PDE5A: variants seen among roughly 807,000 people sequenced by gnomAD.
PDE5A encodes phosphodiesterase 5A.
PDE5A carries 67 observed loss-of-function variants against 110.2 expected under a neutral mutation model. The observed-to-expected ratio is 0.61, with a 90% CI of 0.50 to 0.75. The LOEUF (loss-of-function observed/expected upper bound fraction) is 0.75. Ranked by LOEUF, PDE5A falls within the 30% of genes least tolerant of loss-of-function variation. The pLI is 0.00. For synonymous variants in PDE5A, 328 were observed against 351.2 expected (o/e 0.93, Z 0.74); for missense variants, 862 against 1,045.1 (o/e 0.82, Z 2.42).
chr4:119,627,172 A>G lies in PDE5A; in HGVS notation c.152+1348T>C. 1.2e-6 allele frequency: 2 copies of G among 1,613,120 alleles called. No individual in the cohort carries two copies. The highest frequency in any genetic ancestry group is 1.1e-5 in the South Asian group (1 of 90,944). Reference sequence around the variant, plus strand: ...TACCTTGTTTTGTCTCCAAAGGGCAACATAGCAAACGTGGGAAGTTCGTTT... The same window carrying G: ...TACCTTGTTTTGTCTCCAAAGGGCAGCATAGCAAACGTGGGAAGTTCGTTT... On this transcript the variant is annotated intron_variant, in intron 1 of 20. Coordinates refer to ENST00000354960, the MANE Select transcript of PDE5A (RefSeq NM_001083.4). The surrounding 1 kb of genome is among the most constrained non-coding windows in gnomAD (Gnocchi z 4.6).
chr4:119,509,555 T>C (rs1274655857), intron 15 of PDE5A, among the ~76,000 whole-genome samples: 1 of 151,982 alleles, frequency 6.6e-6, no homozygotes, highest in African/African-American at 2.4e-5. Context: ...CCTTTATTGC[T>C]GAAGGTCAGA....
At chr4:119,609,116 C>G (rs62319650) in intron 1 of PDE5A, among the ~76,000 whole-genome samples, 1 of 151,560 alleles carries the variant, frequency 6.6e-6, no homozygotes, top group African/African-American at 2.4e-5. Flanking sequence ...GAGCTGAGAT[C>G]GCGCCATTGC....
intron 12 of PDE5A, among the ~76,000 whole-genome samples, chr4:119,523,328 A>G (rs1726197252): frequency 6.6e-6 from 1 of 151,948 alleles, no homozygotes; most frequent in Non-Finnish European, 1.5e-5. Flanking sequence ...TCATTATAGG[A>G]GAATAACTAA....
intron 7 of PDE5A, among the ~76,000 whole-genome samples, chr4:119,556,815 TG>T (rs1727557222): frequency 1.3e-5 from 2 of 152,288 alleles, no homozygotes; most frequent in South Asian, 4.1e-4. Context: ...ATTGCTGACA[TG>T]GAAGAGTTCT....
intron 3 of PDE5A, among the ~76,000 whole-genome samples, chr4:119,569,115 GC>G (rs2110511039): frequency 6.6e-6 from 1 of 151,426 alleles, no homozygotes; most frequent in East Asian, 2.0e-4. Flanking sequence ...CTCACTGCAG[GC>G]TTGATCTTCG....
chr4:119,528,998 G>A (rs1726428606), intron 11 of PDE5A, among the ~76,000 whole-genome samples: 1 of 152,110 alleles, frequency 6.6e-6, no homozygotes, highest in South Asian at 2.1e-4. Flanking sequence ...GGCTTAAATG[G>A]AGGACACTAG....
At chr4:119,501,138 T>C (rs1243803896) in intron 20 of PDE5A, 32 bp downstream of exon 20, 1 of 1,339,326 alleles carries the variant, frequency 7.5e-7, no homozygotes, top group Non-Finnish European at 1.1e-6. Flanking sequence ...ACAGTCCAAG[T>C]TTAGCAAGTC....
rs1424693056 is a variant in PDE5A at position 119,511,027 on chromosome 4, A to G, written c.2088+20T>C. ...TAAAGCTCTCTTTTAAAATTCCACA[A>G]CAATAAATTAGGTACTTACTGGACT... is the stretch of plus-strand genomic sequence containing the variant. On this transcript the variant is annotated intron_variant, in intron 15 of 20. Coordinates refer to ENST00000354960, the MANE Select transcript of PDE5A (RefSeq NM_001083.4). 2.2e-6 allele frequency: 3 copies of G among 1,341,324 alleles called. No individual in the cohort carries two copies. The highest frequency in any genetic ancestry group is 3.1e-6 in the Non-Finnish European group (3 of 959,012). 83.1% of individuals were successfully genotyped at this position (1,341,324 alleles called of 1,614,324 possible).
chr4:119,615,981 T>C (rs1729928763), intron 1 of PDE5A, among the ~76,000 whole-genome samples: 1 of 152,216 alleles, frequency 6.6e-6, no homozygotes, highest in Non-Finnish European at 1.5e-5. Flanking sequence ...ATCACATCCA[T>C]ATCTTCCTCT....
chr4:119,592,876 G>A (rs1368326473), intron 3 of PDE5A, among the ~76,000 whole-genome samples: 2 of 152,126 alleles, frequency 1.3e-5, no homozygotes, highest in African/African-American at 4.8e-5. Flanking sequence ...AGCACAGAGA[G>A]AGACATGAGA....
intron 9 of PDE5A, chr4:119,543,138 A>C (rs535283289): frequency 6.7e-6 from 1 of 150,296 alleles, no homozygotes; most frequent in Non-Finnish European, 1.5e-5. Flanking sequence ...GCAGTCTCAA[A>C]TTTCAAATCT....
At position 119,561,990 on chromosome 4, in the gene PDE5A, T is replaced by C. The variant is rs377009872; in HGVS notation, c.1131+843A>G. ...TCATATGTAGATTATAATTGACCTA[T>C]ACAAGTGATAGTGCACGCTCTCTTT... On this transcript the variant is annotated intron_variant, in intron 6 of 20. Coordinates refer to ENST00000354960, the MANE Select transcript of PDE5A (RefSeq NM_001083.4). 1.7e-4 allele frequency among the ~76,000 whole-genome samples: 26 copies of C among 152,312 alleles called. 1 individual carries two copies. In the South Asian group the frequency reaches 4.4e-3, roughly 25 times the overall value.
intron 7 of PDE5A, among the ~76,000 whole-genome samples, chr4:119,554,032 A>T (rs1050999686): frequency 3.3e-5 from 5 of 152,148 alleles, no homozygotes; most frequent in African/African-American, 1.2e-4. Context: ...GTGTCATTTA[A>T]TGTAAACTCA....
rs572563724 is a variant in PDE5A at position 119,509,160 on chromosome 4, T to C, written c.2089-1456A>G. 9.9e-5 allele frequency among the ~76,000 whole-genome samples: 15 copies of C among 152,066 alleles called. No homozygotes were observed. The South Asian group carries it at 3.1e-3, about 32-fold the overall frequency. On this transcript the variant is annotated intron_variant, in intron 15 of 20. Transcript: ENST00000354960. ...TACACTAAAAATAACATGGATTTTG[T>C]GAAAAAATGGTATTGGGAAAGACCA...
intron 3 of PDE5A, among the ~76,000 whole-genome samples, chr4:119,582,827 C>G (rs1296898340): frequency 2.6e-5 from 4 of 152,174 alleles, no homozygotes; most frequent in African/African-American, 7.2e-5. Context: ...TCCCTGAGCA[C>G]TAGGTCTCAA....
chr4:119,579,695 TG>T (rs1560625225), intron 3 of PDE5A, among the ~76,000 whole-genome samples: 1 of 115,278 alleles, frequency 8.7e-6, no homozygotes, highest in Non-Finnish European at 1.8e-5. Context: ...TGTTGTGGGG[TG>T]GGGGGAGTGG....
At chr4:119,592,169 A>G (rs1242775416) in intron 3 of PDE5A, among the ~76,000 whole-genome samples, 2 of 119,416 alleles carry the variant, frequency 1.7e-5, no homozygotes, top group African/African-American at 6.5e-5. Flanking sequence ...AAAAAAAAAA[A>G]AAAAAGCCGG....
intron 20 of PDE5A, 41 bp from the exon 21 acceptor site, chr4:119,498,779 G>C: frequency 6.2e-7 from 1 of 1,610,742 alleles, no homozygotes; most frequent in African/African-American, 1.3e-5. Flanking sequence ...AGAGAAGCCA[G>C]GAAATAAGTC....
intron 3 of PDE5A, among the ~76,000 whole-genome samples, chr4:119,580,194 T>TA (rs752904698): frequency 1.6e-4 from 24 of 149,834 alleles, no homozygotes; most frequent in South Asian, 6.3e-4. Flanking sequence ...TTTGAACAAT[T>TA]AAAAAAAAAA....
Sources: allele counts gnomAD v4.1 joint callset (sites outside exome capture counted in the v4.1 genomes callset), GRCh38; gene constraint gnomAD v4.1.1; non-coding constraint Gnocchi (gnomAD v3.1); transcripts MANE v1.5; gene names NCBI Gene and HGNC (gene_info 2026-07-23, HGNC 2026-07-21).